The following NCKAP5 variants were observed in gnomAD, a reference collection of about 807,000 sequenced individuals.
NCKAP5 encodes the protein NCK associated protein 5, also known as nck-associated protein 5.
NCKAP5 carries 92 observed loss-of-function variants against 167.0 expected under a neutral mutation model. The observed-to-expected ratio is 0.55, with a 90% CI of 0.47 to 0.66. NCKAP5 has a LOEUF of 0.66. NCKAP5 is among the 30% of genes least tolerant of loss of function. The probability of loss-of-function intolerance (pLI) is 0.00; values close to 1 mark genes in which losing one functional copy is unlikely to be tolerated. For missense variants in NCKAP5, 2,378 were observed against 2,315.0 expected (o/e 1.03, Z -0.56); for synonymous variants, 891 against 877.4 (o/e 1.02, Z -0.27).
At chr2:133,150,280 T>C (rs1406455911) in intron 5 of NCKAP5, among the ~76,000 whole-genome samples, 2 of 152,204 alleles carry the variant, frequency 1.3e-5, no homozygotes, top group Non-Finnish European at 2.9e-5. Flanking sequence ...ATCCATACTA[T>C]AGCGGATACC....
chr2:132,710,883 T>A (rs1266973192), intron 19 of NCKAP5, among the ~76,000 whole-genome samples: 5 of 152,168 alleles, frequency 3.3e-5, no homozygotes, highest in Non-Finnish European at 5.9e-5. Flanking sequence ...ACAATTTTTT[T>A]AAAAAAAAGA....
intron 6 of NCKAP5, among the ~76,000 whole-genome samples, chr2:133,039,686 C>T (rs1444141029): frequency 1.3e-5 from 2 of 152,166 alleles, no homozygotes; most frequent in African/African-American, 2.4e-5. Context: ...ACAGCCCCTC[C>T]AGGACCAGGT....
chr2:133,494,227 T>C (rs1461809188), intron 3 of NCKAP5, among the ~76,000 whole-genome samples: 1 of 152,232 alleles, frequency 6.6e-6, no homozygotes, highest in African/African-American at 2.4e-5. Flanking sequence ...CATTCTCATA[T>C]AGCCAAAAAC....
In NCKAP5 at chr2:133,289,718, C is replaced by T. The variant is rs998589402; in HGVS notation, c.143+13319G>A. Among the ~76,000 whole-genome samples, 48 of 143,534 alleles carry T rather than the reference C, an allele frequency of 3.3e-4. 1 individual carries two copies. The highest frequency in any genetic ancestry group is 1.2e-3 in the African/African-American group (47 of 39,248). 94.2% of individuals were successfully genotyped at this position (143,534 alleles called of 152,430 possible). On this transcript the variant is annotated intron_variant, in intron 4 of 19. Transcript: ENST00000409261. ...AAAAAAATAAAAACAAACAAACAAA[C>T]AAACAAACAAAAAAAAACAGCACAA...
At chr2:132,714,812 C>CAAA (rs11329925) in intron 19 of NCKAP5, 72 of 374,444 alleles carry the variant, frequency 1.9e-4, no homozygotes, top group East Asian at 5.0e-4. Context: ...GAATCCATCT[C>CAAA]AAAAAAAAAA....
intron 3 of NCKAP5, among the ~76,000 whole-genome samples, chr2:133,383,592 G>A (rs1208044955): frequency 6.6e-6 from 1 of 152,158 alleles, no homozygotes; most frequent in Non-Finnish European, 1.5e-5. Context: ...TAATGGGATG[G>A]CTGGGTCAAA....
Position 132,731,915 on chromosome 2 carries a change from C to A in NCKAP5, c.5265G>T (p.Gln1755His). 6.2e-7 allele frequency: 1 copy of A among 1,613,904 alleles called. No individual in the cohort carries two copies. Among genetic ancestry groups the A allele is most frequent in the Non-Finnish European group, 8.5e-7 (1 of 1,179,868 alleles). The change falls in exon 17 of 20, where the codon CAG becomes CAT. Residue 1755 changes from glutamine to histidine, a missense_variant. Physicochemically the swap from Gln to His is conservative, Grantham distance 24 (BLOSUM62 0). Coordinates refer to ENST00000409261, the MANE Select transcript of NCKAP5 (RefSeq NM_207363.3). Reference sequence around the variant, plus strand: ...TGGAAGAAACTGCAGAAAGGGCTGACTGGAGAGGCAGGAGAGGCTCAGCGT... The same window carrying A: ...TGGAAGAAACTGCAGAAAGGGCTGAATGGAGAGGCAGGAGAGGCTCAGCGT... Reference protein sequence around the residue: ...PEDAEPLLPLQSALSAVSSMR... With the variant: ...PEDAEPLLPLHSALSAVSSMR...
chr2:133,548,400 A>G (rs961705380), intron 2 of NCKAP5, among the ~76,000 whole-genome samples: 1 of 151,434 alleles, frequency 6.6e-6, no homozygotes, highest in Non-Finnish European at 1.5e-5. Context: ...ACTCCTCGAG[A>G]AGAGCAACTC....
the NCKAP5 span, among the ~76,000 whole-genome samples, chr2:133,587,253 G>T: frequency 1.3e-5 from 2 of 152,146 alleles, no homozygotes; most frequent in Admixed American, 1.3e-4. Context: ...TCGTTCCTCA[G>T]TCAAGCCTCA....
chr2:133,325,336 A>C lies in NCKAP5; in HGVS notation c.70-22226T>G, dbSNP rs1682360634. 2.0e-5 allele frequency among the ~76,000 whole-genome samples: 3 copies of C among 152,204 alleles called. No individual in the cohort carries two copies. In the South Asian group the frequency reaches 6.2e-4, roughly 31 times the overall value. On this transcript the variant is annotated intron_variant, in intron 3 of 19. Coordinates refer to ENST00000409261, the MANE Select transcript of NCKAP5 (RefSeq NM_207363.3). ...AGGAAGAAGAAAACTAGATGACTCC[A>C]GCTTATGAAGATAGCATTTATGTAT...
At chr2:133,554,045 G>T (rs967407505) in intron 2 of NCKAP5, among the ~76,000 whole-genome samples, 2 of 152,140 alleles carry the variant, frequency 1.3e-5, no homozygotes, top group Non-Finnish European at 2.9e-5. Context: ...GTGGTTTGAG[G>T]AAGAATTTAT....
At chr2:132,983,091 T>G (rs1453239621) in intron 7 of NCKAP5, among the ~76,000 whole-genome samples, 2 of 152,200 alleles carry the variant, frequency 1.3e-5, no homozygotes, top group African/African-American at 2.4e-5. Context: ...ATTGCATTCT[T>G]GATTTGCCTC....
chr2:132,674,171 C>A lies in NCKAP5; in HGVS notation c.5714-866G>T, dbSNP rs149041056. Among the ~76,000 whole-genome samples, 106 of 152,280 alleles carry A rather than the reference C, an allele frequency of 7.0e-4. 1 individual carries two copies. The highest frequency in any genetic ancestry group is 2.1e-3 in the African/African-American group (87 of 41,558). ...TCTCATCTTCTTTTCCTCTTTCCAG[C>A]AGAAATTCCATCCAAACACAGGAAA... is the stretch of plus-strand genomic sequence containing the variant. On this transcript the variant is annotated intron_variant, in intron 19 of 19. Coordinates refer to ENST00000409261, the MANE Select transcript of NCKAP5 (RefSeq NM_207363.3).
intron 3 of NCKAP5, among the ~76,000 whole-genome samples, chr2:133,341,186 T>G (rs1443776659): frequency 6.6e-6 from 1 of 152,060 alleles, no homozygotes; most frequent in African/African-American, 2.4e-5. Context: ...TTAAAGTATA[T>G]ATACAGCTAT....
chr2:133,535,560 T>C (rs1021348617), intron 2 of NCKAP5, among the ~76,000 whole-genome samples: 8 of 152,150 alleles, frequency 5.3e-5, no homozygotes, highest in African/African-American at 1.4e-4. Flanking sequence ...AAATGATTCA[T>C]TGATGGACAC....
At chr2:133,582,174 A>G in the NCKAP5 span, among the ~76,000 whole-genome samples, 1 of 152,214 alleles carries the variant, frequency 6.6e-6, no homozygotes, top group African/African-American at 2.4e-5. Context: ...AGTGGTTTTT[A>G]AAGTGTGGTC....
At chr2:133,623,122 T>C in the NCKAP5 span, among the ~76,000 whole-genome samples, 5 of 152,108 alleles carry the variant, frequency 3.3e-5, no homozygotes, top group African/African-American at 1.2e-4. Flanking sequence ...AACTGGATCC[T>C]CATCTCTCAC....
the NCKAP5 span, among the ~76,000 whole-genome samples, chr2:133,616,599 C>A: frequency 1.3e-5 from 2 of 152,066 alleles, no homozygotes; most frequent in South Asian, 2.1e-4. Context: ...AAGACTAAAC[C>A]AGGAAGAAGT....
chr2:133,319,170 C>T (rs1313185853), intron 3 of NCKAP5, among the ~76,000 whole-genome samples: 1 of 150,800 alleles, frequency 6.6e-6, no homozygotes, highest in Non-Finnish European at 1.5e-5. Context: ...CCCTTCCACC[C>T]CCTGCATTTT....
Sources: allele counts gnomAD v4.1 joint callset (sites outside exome capture counted in the v4.1 genomes callset), GRCh38; gene constraint gnomAD v4.1.1; transcripts MANE v1.5; gene names NCBI Gene and HGNC (gene_info 2026-07-23, HGNC 2026-07-21).